The following MGAT4A variants were observed in gnomAD, a reference collection of about 807,000 sequenced individuals.
The protein encoded by MGAT4A is alpha-1,3-mannosyl-glycoprotein 4-beta-N-acetylglucosaminyltransferase A.
In MGAT4A, 33 loss-of-function variants were observed where a neutral mutation model predicts 74.1. The ratio of observed to expected loss-of-function variants is 0.45; its 90% confidence interval spans 0.34 to 0.60. The LOEUF is 0.60. Among genes scored for constraint, MGAT4A ranks in the 20% least tolerant of loss-of-function variants. The pLI, the probability that MGAT4A is intolerant of heterozygous loss-of-function variation, is 0.02. For synonymous variants in MGAT4A, 198 were observed against 210.4 expected (o/e 0.94, Z 0.51); for missense variants, 479 against 628.3 (o/e 0.76, Z 2.54).
chr2:98,679,529 G>A (rs1298347981), intron 2 of MGAT4A, among the ~76,000 whole-genome samples: 1 of 151,854 alleles, frequency 6.6e-6, no homozygotes, highest in Non-Finnish European at 1.5e-5. Flanking sequence ...CTACTCAAGA[G>A]GCTGAGGTAG....
At chr2:98,700,759 C>T (rs533828456) in intron 2 of MGAT4A, among the ~76,000 whole-genome samples, 14 of 151,904 alleles carry the variant, frequency 9.2e-5, no homozygotes, top group African/African-American at 2.7e-4. Flanking sequence ...GCCGTGGTGG[C>T]GGGCACCTGT....
intron 2 of MGAT4A, chr2:98,694,692 T>C (rs2104306185): frequency 6.6e-6 from 1 of 152,364 alleles, no homozygotes; most frequent in East Asian, 1.9e-4. Flanking sequence ...GGTGTGGTGG[T>C]GCATACCTGT....
At chr2:98,707,086 G>A (rs545807729) in intron 2 of MGAT4A, among the ~76,000 whole-genome samples, 100 of 152,178 alleles carry the variant, frequency 6.6e-4, no homozygotes, top group South Asian at 1.4e-3. Context: ...GTGGTGGCGG[G>A]TGCCTGTAGT....
chr2:98,657,953 A>C (rs1450573186), intron 6 of MGAT4A, among the ~76,000 whole-genome samples: 2 of 152,206 alleles, frequency 1.3e-5, no homozygotes, highest in Non-Finnish European at 2.9e-5. Context: ...ACTGTCTTCA[A>C]GATTAAAGAC....
chr2:98,655,591 A>C, intron 7 of MGAT4A, 71 bp from the exon 8 acceptor site: 2 of 964,702 alleles, frequency 2.1e-6, no homozygotes, highest in South Asian at 1.5e-5. Flanking sequence ...TTAAATGTAT[A>C]AATGTCAAAT....
At chr2:98,688,780 G>A (rs748562569) in intron 2 of MGAT4A, among the ~76,000 whole-genome samples, 1 of 152,100 alleles carries the variant, frequency 6.6e-6, no homozygotes, top group Non-Finnish European at 1.5e-5. Context: ...GTATCCTTTT[G>A]AGAGCCCAGG....
chr2:98,679,005 C>T (rs1170722756), intron 2 of MGAT4A, among the ~76,000 whole-genome samples: 1 of 152,152 alleles, frequency 6.6e-6, no homozygotes, highest in Non-Finnish European at 1.5e-5. Flanking sequence ...TTGGTCAAAG[C>T]CCTGATCCCT....
intron 14 of MGAT4A, among the ~76,000 whole-genome samples, chr2:98,633,749 A>T (rs962561995): frequency 6.6e-6 from 1 of 152,236 alleles, no homozygotes; most frequent in Non-Finnish European, 1.5e-5. Flanking sequence ...TTTAATATAG[A>T]TGTCTCTATT....
rs1327484795 is a variant in MGAT4A, at chr2:98,731,080, C to T, written c.-268G>A. 7.1e-6 allele frequency: 1 copy of T among 140,940 alleles called. No individual in the cohort carries two copies. Among genetic ancestry groups the T allele is most frequent in the Non-Finnish European group, 1.6e-5 (1 of 63,622 alleles). The allele number at this position is 140,940 out of a possible 1,614,324, so 8.7% of individuals were successfully genotyped here. On this transcript the variant is annotated 5_prime_UTR_variant, in exon 1 of 16. Transcript: ENST00000393487. This position sits in a 1 kb window ranked among gnomAD's most constrained non-coding sequence, Gnocchi z 4.8. ...TGGCGTCGCCGTGCTCCCGCGGCTG[C>T]CGGCGGAGCTGCTGTAGCCGCCGCC... is the stretch of plus-strand genomic sequence containing the variant.
chr2:98,701,361 G>A (rs935134228), intron 2 of MGAT4A, among the ~76,000 whole-genome samples: 1 of 152,170 alleles, frequency 6.6e-6, no homozygotes, highest in East Asian at 1.9e-4. Context: ...AATGGGTCTA[G>A]AACTGGACAA....
intron 2 of MGAT4A, among the ~76,000 whole-genome samples, chr2:98,720,506 C>T (rs1362529197): frequency 6.6e-6 from 1 of 152,212 alleles, no homozygotes; most frequent in African/African-American, 2.4e-5. Context: ...CTGAATTACA[C>T]CACCAGCTTT....
At chr2:98,671,199 C>T (rs1460344773) in intron 4 of MGAT4A, among the ~76,000 whole-genome samples, 1 of 152,168 alleles carries the variant, frequency 6.6e-6, no homozygotes, top group Non-Finnish European at 1.5e-5. Context: ...CTTCTTCTTC[C>T]CATCTCTACA....
intron 2 of MGAT4A, among the ~76,000 whole-genome samples, chr2:98,695,853 AT>A (rs1702265300): frequency 6.6e-6 from 1 of 151,376 alleles, no homozygotes; most frequent in Non-Finnish European, 1.5e-5. Context: ...GTTAATTACA[AT>A]TTAAAGAGTG....
At chr2:98,671,957 A>G in intron 4 of MGAT4A, among the ~76,000 whole-genome samples, 1 of 148,966 alleles carries the variant, frequency 6.7e-6, no homozygotes, top group Non-Finnish European at 1.5e-5. Flanking sequence ...AAAAAAAAAA[A>G]AAAAAAAAAA....
chr2:98,638,453 C>A (rs1172091334), intron 12 of MGAT4A, among the ~76,000 whole-genome samples: 1 of 152,200 alleles, frequency 6.6e-6, no homozygotes, highest in Non-Finnish European at 1.5e-5. Context: ...TACTAATCTA[C>A]GTCAATATTT....
intron 1 of MGAT4A, among the ~76,000 whole-genome samples, chr2:98,727,841 G>A (rs1310208879): frequency 2.0e-5 from 3 of 152,158 alleles, no homozygotes; most frequent in South Asian, 2.1e-4. Context: ...TGTTTCCTAT[G>A]TGCCTGATCC....
At chr2:98,691,061 T>C (rs1231745373) in intron 2 of MGAT4A, among the ~76,000 whole-genome samples, 2 of 152,086 alleles carry the variant, frequency 1.3e-5, no homozygotes, top group Non-Finnish European at 2.9e-5. Flanking sequence ...AAGAGGGCTA[T>C]CATCAGCAAC....
chr2:98,699,665 A>C (rs2104312278), intron 2 of MGAT4A, among the ~76,000 whole-genome samples: 1 of 152,318 alleles, frequency 6.6e-6, no homozygotes, highest in South Asian at 2.1e-4. Context: ...AATTATGGTA[A>C]TTGTAAAATG....
chr2:98,636,563 G>A lies in MGAT4A; in HGVS notation c.1355C>T (p.Pro452Leu). ...AGTTGTGTTTAGCAGAATATCTCCA[G>A]GATGTTCTTGGTTGCCGCTATGGAA... ...YLFHSGNQEH[P>L]GDILLNTTVE... The change falls in exon 13 of 16, where the codon CCT (proline) becomes CTT (leucine). Residue 452 changes from proline to leucine, a missense_variant. By Grantham distance (98) the Pro-to-Leu change is moderately conservative (BLOSUM62 -3). Transcript: ENST00000393487. 6.2e-7 allele frequency: 1 copy of A among 1,613,832 alleles called. No individual in the cohort carries two copies. The highest frequency in any genetic ancestry group is 8.5e-7 in the Non-Finnish European group (1 of 1,179,796).
Sources: allele counts gnomAD v4.1 joint callset (sites outside exome capture counted in the v4.1 genomes callset), GRCh38; gene constraint gnomAD v4.1.1; non-coding constraint Gnocchi (gnomAD v3.1); transcripts MANE v1.5; gene names NCBI Gene and HGNC (gene_info 2026-07-23, HGNC 2026-07-21).